Variants in EPC2 observed in about 807,000 individuals in gnomAD.
The protein encoded by EPC2 is enhancer of polycomb 2.
Under a neutral mutation model 92.1 loss-of-function variants are expected in EPC2, and 14 were observed. The observed-to-expected ratio is 0.15, with a 90% CI of 0.10 to 0.24. The LOEUF (loss-of-function observed/expected upper bound fraction) is 0.24. EPC2 is among the 10% of genes least tolerant of loss of function. EPC2 has a pLI of 1.00. For synonymous variants in EPC2, 340 were observed against 334.7 expected, an observed-to-expected ratio of 1.02 and a Z score of -0.17; for missense variants, 755 against 971.5, an observed-to-expected ratio of 0.78 and a Z score of 2.96.
chr2:148,661,215 T>G (rs898101415), intron 1 of EPC2, among the ~76,000 whole-genome samples: 5 of 152,142 alleles, frequency 3.3e-5, no homozygotes, highest in African/African-American at 1.2e-4. Flanking sequence ...TCTCTTCATT[T>G]GTCAAAGTCT....
At chr2:148,762,008 G>A in intron 5 of EPC2, 78 bp downstream of exon 5, 1 of 1,245,278 alleles carries the variant, frequency 8.0e-7, no homozygotes, top group Non-Finnish European at 1.1e-6. Flanking sequence ...GATTTTTAGG[G>A]GGGAACAGGT....
chr2:148,700,611 T>C (rs974823260), intron 2 of EPC2, among the ~76,000 whole-genome samples: 1 of 152,136 alleles, frequency 6.6e-6, no homozygotes, highest in Admixed American at 6.6e-5. Context: ...TACTCTTTTG[T>C]CAAATTCTTG....
In EPC2 at chr2:148,727,595, T is replaced by C. The variant is rs1190545641; in HGVS notation, c.314-16027T>C. Among the ~76,000 whole-genome samples the C allele has an allele frequency of 2.0e-5, 3 of 152,362 alleles. No homozygotes were observed. The East Asian group carries it at 5.8e-4, about 29-fold the overall frequency. ...TTCTTTTTTTGTATATATAATGTTA[T>C]TTTAATGTTAGTTTTTACTGGTTAA... On this transcript the variant is annotated intron_variant, in intron 2 of 13. Transcript: ENST00000258484.
At position 148,720,822 on chromosome 2, in the gene EPC2, A is replaced by G. The variant is rs147524280; in HGVS notation, c.314-22800A>G. 1.4e-4 allele frequency among the ~76,000 whole-genome samples: 22 copies of G among 152,108 alleles called. No individual in the cohort carries two copies. In the East Asian group the frequency reaches 4.3e-3, roughly 30 times the overall value. ...CCGTGGGTCGAGCTGTTTCCCTGAT[A>G]AGTCTCAATGCGACTACCTGGATTA... On this transcript the variant is annotated intron_variant, in intron 2 of 13. Transcript: ENST00000258484.
At chr2:148,742,206 T>C (rs1173802820) in intron 2 of EPC2, among the ~76,000 whole-genome samples, 1 of 152,180 alleles carries the variant, frequency 6.6e-6, no homozygotes, top group Non-Finnish European at 1.5e-5. Flanking sequence ...TTTGTTTCTG[T>C]GTATGTTTAT....
chr2:148,749,811 G>A lies in EPC2; in HGVS notation c.460-4116G>A, dbSNP rs116416846. Among the ~76,000 whole-genome samples, 1,086 of 152,078 alleles carry A rather than the reference G, an allele frequency of 7.1e-3. 5 individuals carry two copies. Among genetic ancestry groups the A allele is most frequent in the African/African-American group, 0.025 (1,020 of 41,488 alleles). ...CACCATACCATGCTGTAATGTGTGT[G>A]TACATGTATTTTATAATTATGTTAT... On this transcript the variant is annotated intron_variant, in intron 3 of 13. Coordinates refer to ENST00000258484, the MANE Select transcript of EPC2 (RefSeq NM_015630.4).
chr2:148,687,716 C>T (rs1681556263), intron 1 of EPC2, among the ~76,000 whole-genome samples: 1 of 152,162 alleles, frequency 6.6e-6, no homozygotes, highest in Non-Finnish European at 1.5e-5. Flanking sequence ...CCAATAGCTG[C>T]CCTGGCTTAC....
chr2:148,696,669 C>T (rs1016593571), intron 2 of EPC2, among the ~76,000 whole-genome samples: 2 of 152,190 alleles, frequency 1.3e-5, no homozygotes, highest in African/African-American at 4.8e-5. Context: ...AAAGAAGATA[C>T]CCTGAGGTAA....
chr2:148,677,701 T>C (rs1681296788), intron 1 of EPC2, among the ~76,000 whole-genome samples: 1 of 152,140 alleles, frequency 6.6e-6, no homozygotes, highest in Non-Finnish European at 1.5e-5. Context: ...CCTTCTGATG[T>C]TCAGATGTGT....
At chr2:148,683,078 A>T (rs556493047) in intron 1 of EPC2, among the ~76,000 whole-genome samples, 18 of 147,256 alleles carry the variant, frequency 1.2e-4, no homozygotes, top group East Asian at 3.9e-4. Flanking sequence ...AGGATCTTAA[A>T]TTTTTTTTTT....
intron 2 of EPC2, among the ~76,000 whole-genome samples, chr2:148,700,690 CTTTT>C (rs77147387): frequency 7.2e-6 from 1 of 139,858 alleles, no homozygotes. Flanking sequence ...GCCCTTTTTA[CTTTT>C]TTTTTTTTTT....
At chr2:148,646,714 G>A (rs1331899547) in intron 1 of EPC2, among the ~76,000 whole-genome samples, 1 of 151,704 alleles carries the variant, frequency 6.6e-6, no homozygotes, top group African/African-American at 2.4e-5. Flanking sequence ...GCACAACTTT[G>A]GATATTTTTG....
intron 1 of EPC2, among the ~76,000 whole-genome samples, chr2:148,646,014 T>C (rs573962356): frequency 5.3e-5 from 8 of 152,258 alleles, no homozygotes; most frequent in African/African-American, 1.7e-4. Flanking sequence ...GGAAAATTGC[T>C]GCTTTTCCTC....
At chr2:148,713,934 G>A (rs1682207436) in intron 2 of EPC2, among the ~76,000 whole-genome samples, 1 of 152,158 alleles carries the variant, frequency 6.6e-6, no homozygotes, top group South Asian at 2.1e-4. Flanking sequence ...TACATGTGCA[G>A]GATGTGCAGG....
At position 148,753,923 on chromosome 2, in the gene EPC2, T is replaced by G. The variant is rs1683127225; in HGVS notation, c.460-4T>G. 1.9e-6 allele frequency: 3 copies of G among 1,603,374 alleles called. No individual in the cohort carries two copies. Among genetic ancestry groups the G allele is most frequent in the Non-Finnish European group, 2.6e-6 (3 of 1,174,910 alleles). On this transcript the variant is annotated splice_polypyrimidine_tract_variant and splice_region_variant and intron_variant, in intron 3 of 13. Transcript: ENST00000258484. ...GCCAATGACATTTTGTATTTTTCAT[T>G]TAGCTTGTAACACTTCAAGAAGCAA...
At chr2:148,648,528 A>C (rs6719281) in intron 1 of EPC2, among the ~76,000 whole-genome samples, 5,159 of 152,298 alleles carry the variant, frequency 0.034, 276 homozygotes, top group African/African-American at 0.12. Flanking sequence ...TGTAACAAAC[A>C]AACCAACCTT....
Position 148,785,010 on chromosome 2 carries a change from G to A in EPC2, c.2351+9G>A, listed in dbSNP as rs183440232. 2 of 1,478,136 alleles carry A rather than the reference G, an allele frequency of 1.4e-6. No homozygotes were observed. The highest frequency in any genetic ancestry group is 1.8e-6 in the Non-Finnish European group (2 of 1,113,950). The allele number at this position is 1,478,136 out of a possible 1,614,324, so 91.6% of individuals were successfully genotyped here. A position where few individuals can be genotyped will look rare whatever the true frequency, so the allele number is the denominator to read the frequency against. ...ATCAGCAGCATAGCAAGGTGTGTGT[G>A]TGTGTTTCAGTGATTTTTCTCCCTT... On this transcript the variant is annotated intron_variant, in intron 13 of 13. Transcript: ENST00000258484.
intron 12 of EPC2, among the ~76,000 whole-genome samples, 197 bp downstream of exon 12, chr2:148,783,953 C>T (rs556503711): frequency 6.6e-6 from 1 of 152,292 alleles, no homozygotes; most frequent in East Asian, 1.9e-4. Context: ...TGTTTTCTCC[C>T]TCATCCATTG....
At chr2:148,704,592 C>T (rs1052275606) in intron 2 of EPC2, among the ~76,000 whole-genome samples, 2 of 152,040 alleles carry the variant, frequency 1.3e-5, no homozygotes, top group African/African-American at 4.8e-5. Context: ...TTTGAGAATC[C>T]CTGTTCTTGA....
Sources: gnomAD v4.1 joint callset for allele counts (sites outside exome capture counted in the v4.1 genomes callset) on GRCh38, gnomAD v4.1.1 for gene constraint, MANE v1.5 for transcripts, NCBI Gene and HGNC (gene_info 2026-07-23, HGNC 2026-07-21) for gene names.